Variants in EPHB2 observed in about 807,000 individuals in gnomAD.
The protein encoded by EPHB2 is ephrin type-B receptor 2.
A neutral mutation model predicts 96.4 loss-of-function variants in EPHB2; 18 were observed. The observed-to-expected ratio is 0.19, with a 90% confidence interval of 0.13 to 0.28. The LOEUF (loss-of-function observed/expected upper bound fraction) is 0.28, where lower values mean the gene tolerates loss of function less well. Among genes scored for constraint, EPHB2 ranks in the 10% least tolerant of loss-of-function variants. The pLI is 1.00. For synonymous variants in EPHB2, 506 were observed against 534.1 expected, an observed-to-expected ratio of 0.95 and a Z score of 0.72; for missense variants, 989 against 1,355.4, an observed-to-expected ratio of 0.73 and a Z score of 4.25.
chr1:22,833,157 G>T (rs1322904265), intron 3 of EPHB2, among the ~76,000 whole-genome samples: 4 of 151,160 alleles, frequency 2.6e-5, no homozygotes, highest in Non-Finnish European at 4.4e-5. Context: ...TCGCTCTTTT[G>T]CCCAGGCTGG....
chr1:22,780,584 T>G (rs1487249638), intron 1 of EPHB2, among the ~76,000 whole-genome samples: 1 of 152,198 alleles, frequency 6.6e-6, no homozygotes, highest in Non-Finnish European at 1.5e-5. Context: ...CTGAGGGGTC[T>G]CAGCTGGGAC....
At chr1:22,810,257 G>A (rs1431489749) in intron 3 of EPHB2, among the ~76,000 whole-genome samples, 2 of 152,140 alleles carry the variant, frequency 1.3e-5, no homozygotes, top group Non-Finnish European at 2.9e-5. Flanking sequence ...ACGGCAGGAA[G>A]GGCCTGCTCA....
chr1:22,725,207 T>G (rs1421419745), intron 1 of EPHB2, among the ~76,000 whole-genome samples: 1 of 152,106 alleles, frequency 6.6e-6, no homozygotes, highest in African/African-American at 2.4e-5. Flanking sequence ...AGCTGTTGGA[T>G]GAGTGGATGA....
chr1:22,733,803 C>T lies in EPHB2; in HGVS notation c.61+22760C>T, dbSNP rs942352150. 1.3e-5 allele frequency among the ~76,000 whole-genome samples: 2 copies of T among 150,792 alleles called. No individual in the cohort carries two copies. The highest frequency in any genetic ancestry group is 2.4e-5 in the African/African-American group (1 of 40,950). On this transcript the variant is annotated intron_variant, in intron 1 of 15. Coordinates refer to ENST00000374630, the MANE Select transcript of EPHB2 (RefSeq NM_017449.5). The surrounding 1 kb of genome is among the most constrained non-coding windows in gnomAD (Gnocchi z 4.6). ...TGGGGACAGAGCTAGAAGTTGAACC[C>T]GGGACTGGATTCTTGGCCTGGTATG...
chr1:22,875,919 G>A lies in EPHB2; in HGVS notation c.1304-6440G>A, dbSNP rs888260775. Among the ~76,000 whole-genome samples, 2 of 152,128 alleles carry A rather than the reference G, an allele frequency of 1.3e-5. No homozygotes were observed. The highest frequency in any genetic ancestry group is 6.5e-5 in the Admixed American group (1 of 15,278). ...TGGCCATGGAAGATGTGGGGGAAGA[G>A]GTTTCCAAGCAGAAACACCATAGGG... On this transcript the variant is annotated intron_variant, in intron 5 of 15. Transcript: ENST00000374630. This position sits in a 1 kb window ranked among gnomAD's most constrained non-coding sequence, Gnocchi z 4.2.
chr1:22,731,372 C>T (rs529346887), intron 1 of EPHB2, among the ~76,000 whole-genome samples: 30 of 152,228 alleles, frequency 2.0e-4, no homozygotes, highest in Non-Finnish European at 3.1e-4. Context: ...AGCGGACCAC[C>T]GAGGGGCTCT....
In EPHB2 at chr1:22,749,112, C is replaced by T. The variant is rs547706601; in HGVS notation, c.62-32309C>T. On this transcript the variant is annotated intron_variant, in intron 1 of 15. Coordinates refer to ENST00000374630, the MANE Select transcript of EPHB2 (RefSeq NM_017449.5). ...CTCGCCTCACTGCAACCTCCGCCTC[C>T]TGGGTTCAAGTGATCCTCATGCCTC... 7.9e-5 allele frequency among the ~76,000 whole-genome samples: 12 copies of T among 151,840 alleles called. No homozygotes were observed. In the South Asian group the frequency reaches 2.3e-3, roughly 29 times the overall value.
chr1:22,754,573 G>A (rs1231966285), intron 1 of EPHB2, among the ~76,000 whole-genome samples: 2 of 151,382 alleles, frequency 1.3e-5, no homozygotes, highest in African/African-American at 4.9e-5. Context: ...CGCGAGGTGT[G>A]CAGTGGAGCT....
intron 1 of EPHB2, among the ~76,000 whole-genome samples, chr1:22,737,542 G>A (rs533454617): frequency 3.5e-4 from 53 of 152,284 alleles, no homozygotes; most frequent in African/African-American, 1.2e-3. Context: ...CTTCTGCCTA[G>A]TGAACTCCTA....
chr1:22,756,813 G>A (rs534993847), intron 1 of EPHB2, among the ~76,000 whole-genome samples: 7 of 146,362 alleles, frequency 4.8e-5, no homozygotes, highest in South Asian at 2.1e-4. Context: ...ATATGAGGAG[G>A]CTGTAGACAG....
At position 22,913,323 on chromosome 1, in the gene EPHB2, C is replaced by A; in HGVS notation, c.2853-139C>A. The stretch of plus-strand genomic sequence containing the variant: ...TAGTCGCTCCCTCCAGCTGTGGCTG[C>A]CTGCCCACTCCCCACTCCCCACTCC... On this transcript the variant is annotated intron_variant, in intron 15 of 15. Transcript: ENST00000374630. The surrounding 1 kb of genome is among the most constrained non-coding windows in gnomAD (Gnocchi z 4.1). 1 of 1,119,026 alleles carries A rather than the reference C, an allele frequency of 8.9e-7. No individual in the cohort carries two copies. The allele number at this position is 1,119,026 out of a possible 1,614,324, so 69.3% of individuals were successfully genotyped here.
chr1:22,720,768 G>T (rs982635082), intron 1 of EPHB2, among the ~76,000 whole-genome samples: 9 of 150,310 alleles, frequency 6.0e-5, no homozygotes, highest in Non-Finnish European at 1.3e-4. Context: ...ACAAGGCTTG[G>T]CTCATGATAG....
chr1:22,791,796 G>A (rs1406886107), intron 3 of EPHB2, among the ~76,000 whole-genome samples: 2 of 152,058 alleles, frequency 1.3e-5, no homozygotes, highest in Admixed American at 6.5e-5. Context: ...CAAATGCTGG[G>A]GTGAGCCTCA....
chr1:22,781,447 A>G lies in EPHB2; in HGVS notation c.88A>G (p.Thr30Ala). The G allele has an allele frequency of 6.2e-7, 1 of 1,614,052 alleles. No individual in the cohort carries two copies. The highest frequency in any genetic ancestry group is 8.5e-7 in the Non-Finnish European group (1 of 1,179,988). ...EETLMDSTTA[T>A]AELGWMVHPP... The stretch of plus-strand genomic sequence containing the variant: ...AACGCTAATGGACTCCACTACAGCG[A>G]CTGCTGAGCTGGGCTGGATGGTGCA... The change falls in exon 2 of 16, where the codon ACT (threonine) becomes GCT (alanine). Residue 30 changes from threonine (T) to alanine (A), a missense_variant. Physicochemically the swap from Thr to Ala is moderately conservative, Grantham distance 58. Coordinates refer to ENST00000374630, the MANE Select transcript of EPHB2 (RefSeq NM_017449.5).
At chr1:22,779,505 A>AC (rs1025803171) in intron 1 of EPHB2, among the ~76,000 whole-genome samples, 11 of 150,902 alleles carry the variant, frequency 7.3e-5, no homozygotes, top group African/African-American at 2.4e-4. Flanking sequence ...TATCCCCTCC[A>AC]CCCCTGCCAT....
At chr1:22,740,981 CTCCTTGCTGACGGCGGGGATTGACGA>C (rs1378284888) in intron 1 of EPHB2, among the ~76,000 whole-genome samples, 1 of 152,126 alleles carries the variant, frequency 6.6e-6, no homozygotes, top group Non-Finnish European at 1.5e-5. Flanking sequence ...TGCCAAGCCT[CTCCTTGCTGACGGCGGGGATTGACGA>C]TCCAGCTTAT....
intron 3 of EPHB2, among the ~76,000 whole-genome samples, chr1:22,850,697 A>G (rs539188176): frequency 2.0e-5 from 3 of 152,320 alleles, no homozygotes; most frequent in Non-Finnish European, 2.9e-5. Flanking sequence ...GGGATACTCG[A>G]TCGGTCCCCA....
In EPHB2 at chr1:22,783,969, T is replaced by C. The variant is rs1644571581; in HGVS notation, c.127-423T>C. Among the ~76,000 whole-genome samples the C allele has an allele frequency of 2.0e-5, 3 of 152,116 alleles. No homozygotes were observed. In the South Asian group the frequency reaches 6.2e-4, roughly 32 times the overall value. On this transcript the variant is annotated intron_variant, in intron 2 of 15. Coordinates refer to ENST00000374630, the MANE Select transcript of EPHB2 (RefSeq NM_017449.5). ...CCCAAGGGCAAGGGCTGTCTCTCCC[T>C]GGTCAGACAGGGAGCTCCCCGAGGG...
intron 1 of EPHB2, among the ~76,000 whole-genome samples, chr1:22,750,056 A>G (rs936787870): frequency 2.0e-5 from 3 of 152,228 alleles, no homozygotes; most frequent in Admixed American, 2.0e-4. Flanking sequence ...GGCCCCCTGA[A>G]GAAGGCAGTT....
Sources: allele counts gnomAD v4.1 joint callset (sites outside exome capture counted in the v4.1 genomes callset), GRCh38; gene constraint gnomAD v4.1.1; non-coding constraint Gnocchi (gnomAD v3.1); transcripts MANE v1.5; gene names NCBI Gene and HGNC (gene_info 2026-07-23, HGNC 2026-07-21).